Variants in ZMYND8 observed in about 807,000 individuals in gnomAD.
ZMYND8 encodes the protein MYND-type zinc finger-containing chromatin reader ZMYND8.
A neutral mutation model predicts 140.8 loss-of-function variants in ZMYND8; 37 were observed. That is an observed-to-expected ratio of 0.26 (90% CI 0.20 to 0.35). The LOEUF is 0.35. Among genes scored for constraint, ZMYND8 ranks in the 10% least tolerant of loss-of-function variants. ZMYND8 has a pLI of 1.00. For missense variants in ZMYND8, 1,068 were observed against 1,570.0 expected (o/e 0.68, Z 5.40); for synonymous variants, 592 against 597.1 (o/e 0.99, Z 0.12).
chr20:47,310,248 G>GC, intron 2 of ZMYND8, 44 bp from the exon 3 acceptor site: 1 of 1,551,412 alleles, frequency 6.4e-7, no homozygotes, highest in Non-Finnish European at 8.7e-7. Context: ...AGTCAGGGAG[G>GC]CCTGGGCCCC....
chr20:47,260,767 G>A (rs2075097154), intron 12 of ZMYND8, among the ~76,000 whole-genome samples: 1 of 152,106 alleles, frequency 6.6e-6, no homozygotes, highest in African/African-American at 2.4e-5. Flanking sequence ...CTTGTTATTT[G>A]CCTTTATTAT....
rs144824356 is a variant in ZMYND8 at position 47,304,392 on chromosome 20, G to A, written c.235-5445C>T. Among the ~76,000 whole-genome samples the A allele has an allele frequency of 3.1e-3, 472 of 152,342 alleles. 2 individuals carry two copies. Among genetic ancestry groups the A allele is most frequent in the Non-Finnish European group, 5.7e-3 (386 of 68,032 alleles). On this transcript the variant is annotated intron_variant, in intron 3 of 22. Transcript: ENST00000471951. Reference sequence around the variant, plus strand: ...GGCCTCTATCGCAAATACTCAATTTGGCCACTGTAGGGCAAAAGCACACAC... The same window carrying A: ...GGCCTCTATCGCAAATACTCAATTTAGCCACTGTAGGGCAAAAGCACACAC...
intron 11 of ZMYND8, among the ~76,000 whole-genome samples, chr20:47,273,275 A>T (rs2076067143): frequency 6.6e-6 from 1 of 152,166 alleles, no homozygotes. Flanking sequence ...AACTTATATG[A>T]AATTTAAATT....
chr20:47,306,213 G>A (rs1362371474), intron 3 of ZMYND8, among the ~76,000 whole-genome samples: 1 of 152,070 alleles, frequency 6.6e-6, no homozygotes, highest in Admixed American at 6.5e-5. Context: ...GAAAGAAAGT[G>A]AGACCCCCAT....
chr20:47,305,919 A>G (rs1289905343), intron 3 of ZMYND8, among the ~76,000 whole-genome samples: 1 of 152,194 alleles, frequency 6.6e-6, no homozygotes, highest in African/African-American at 2.4e-5. Context: ...TGCCCCATAT[A>G]CTACAGGACA....
At chr20:47,261,851 C>G (rs2075180125) in intron 12 of ZMYND8, among the ~76,000 whole-genome samples, 1 of 151,966 alleles carries the variant, frequency 6.6e-6, no homozygotes, top group Non-Finnish European at 1.5e-5. Context: ...GTGGGTGGAT[C>G]ACCTGAGGTC....
At chr20:47,220,375 G>T in intron 20 of ZMYND8, 51 bp from the exon 21 acceptor site, 1 of 1,439,654 alleles carries the variant, frequency 6.9e-7, no homozygotes, top group African/African-American at 1.4e-5. Context: ...GGCTACTGTC[G>T]CCCCCACAGG....
chr20:47,216,917 T>G (rs1285425147), intron 21 of ZMYND8, among the ~76,000 whole-genome samples: 1 of 152,144 alleles, frequency 6.6e-6, no homozygotes, highest in Non-Finnish European at 1.5e-5. Flanking sequence ...GCTTCTGAGG[T>G]TAGTGACCCA....
chr20:47,352,011 T>C (rs1048756766), intron 1 of ZMYND8: 1 of 985,454 alleles, frequency 1.0e-6, no homozygotes, highest in African/African-American at 1.7e-5. Flanking sequence ...TTGTAGATCC[T>C]GAGCCTTCAA....
chr20:47,254,783 G>A (rs1055192370), intron 12 of ZMYND8, among the ~76,000 whole-genome samples: 2 of 152,082 alleles, frequency 1.3e-5, no homozygotes, highest in Non-Finnish European at 2.9e-5. Context: ...CAGCACCCTG[G>A]CCTCTACCCC....
At chr20:47,294,592 C>G in intron 5 of ZMYND8, 74 bp downstream of exon 5, 1 of 1,425,598 alleles carries the variant, frequency 7.0e-7, no homozygotes, top group Middle Eastern at 1.8e-4. Context: ...ACCTAAAAAG[C>G]TAAGCTATTA....
intron 1 of ZMYND8, chr20:47,349,047 G>A (rs1246808467): frequency 6.6e-6 from 1 of 152,148 alleles, no homozygotes. Context: ...AGAATGTCCT[G>A]TCCTGGGGAA....
intron 3 of ZMYND8, among the ~76,000 whole-genome samples, chr20:47,305,842 C>T (rs1045217757): frequency 2.0e-5 from 3 of 152,096 alleles, no homozygotes; most frequent in African/African-American, 7.2e-5. Flanking sequence ...TCAAATGTGT[C>T]AGAACTAAAG....
chr20:47,234,370 G>A (rs1333460571), intron 16 of ZMYND8, among the ~76,000 whole-genome samples: 2 of 152,344 alleles, frequency 1.3e-5, no homozygotes, highest in African/African-American at 4.8e-5. Flanking sequence ...TTTTGATGAA[G>A]CAAGCTGCCA....
intron 2 of ZMYND8, among the ~76,000 whole-genome samples, chr20:47,342,686 A>G (rs1194941217): frequency 1.3e-5 from 2 of 152,046 alleles, no homozygotes; most frequent in African/African-American, 4.8e-5. Flanking sequence ...CCTCTACTAC[A>G]AATACAAAAA....
chr20:47,328,527 G>C (rs1438803919), intron 2 of ZMYND8, among the ~76,000 whole-genome samples: 1 of 151,924 alleles, frequency 6.6e-6, no homozygotes, highest in Non-Finnish European at 1.5e-5. Flanking sequence ...GCAGTGGCAT[G>C]ATCTCAGCTC....
chr20:47,329,383 G>A (rs1322783699), intron 2 of ZMYND8, among the ~76,000 whole-genome samples: 4 of 152,120 alleles, frequency 2.6e-5, no homozygotes, highest in South Asian at 4.1e-4. Context: ...GGGCAGCTGA[G>A]GAATGAATTT....
chr20:47,321,878 T>G (rs1031274091), intron 2 of ZMYND8, among the ~76,000 whole-genome samples: 128 of 144,490 alleles, frequency 8.9e-4, no homozygotes, highest in African/African-American at 3.0e-3. Context: ...TTTTTTTTTT[T>G]GAAACAGAGT....
At chr20:47,290,797 G>T (rs1186646444) in intron 6 of ZMYND8, among the ~76,000 whole-genome samples, 1 of 151,668 alleles carries the variant, frequency 6.6e-6, no homozygotes, top group Non-Finnish European at 1.5e-5. Context: ...CTCCATGTTG[G>T]TCAGGCTGGT....
Sources: allele counts gnomAD v4.1 joint callset (sites outside exome capture counted in the v4.1 genomes callset), GRCh38; gene constraint gnomAD v4.1.1; transcripts MANE v1.5; gene names NCBI Gene and HGNC (gene_info 2026-07-23, HGNC 2026-07-21).